Variants in NCAM1 observed in about 807,000 individuals in gnomAD.
NCAM1 encodes antigen recognized by monoclonal antibody 5.1H11.
Under a neutral mutation model 109.8 loss-of-function variants are expected in NCAM1, and 14 were observed. The ratio of observed to expected loss-of-function variants is 0.13; its 90% CI spans 0.08 to 0.20. The LOEUF is 0.20. Among genes scored for constraint, NCAM1 ranks in the 10% least tolerant of loss-of-function variants. NCAM1 has a pLI of 1.00. For synonymous variants in NCAM1, 418 were observed against 442.9 expected (o/e 0.94, Z 0.70); for missense variants, 774 against 1,109.9 (o/e 0.70, Z 4.30).
intron 1 of NCAM1, among the ~76,000 whole-genome samples, chr11:113,096,727 C>A (rs1555090508): frequency 3.9e-5 from 6 of 152,208 alleles, no homozygotes; most frequent in African/African-American, 1.4e-4. Flanking sequence ...TGATGACAAA[C>A]CCCTGAGCCT....
At chr11:113,243,961 G>C (rs782326598) in intron 14 of NCAM1, among the ~76,000 whole-genome samples, 1 of 152,060 alleles carries the variant, frequency 6.6e-6, no homozygotes, top group Non-Finnish European at 1.5e-5. Flanking sequence ...TGTGTGCTGC[G>C]ATGAATTTTA....
intron 1 of NCAM1, among the ~76,000 whole-genome samples, chr11:113,179,909 C>T (rs1943280885): frequency 6.6e-6 from 1 of 152,116 alleles, no homozygotes; most frequent in Non-Finnish European, 1.5e-5. Flanking sequence ...AAGGATTCAA[C>T]TCATTAATAT....
intron 1 of NCAM1, among the ~76,000 whole-genome samples, chr11:113,155,902 C>T (rs1399279005): frequency 2.0e-5 from 3 of 152,094 alleles, no homozygotes; most frequent in Non-Finnish European, 4.4e-5. Context: ...CTGATGGAGA[C>T]GTTCTCTGAA....
chr11:112,981,999 T>C (rs1555068845), intron 1 of NCAM1, among the ~76,000 whole-genome samples: 1 of 151,970 alleles, frequency 6.6e-6, no homozygotes, highest in Non-Finnish European at 1.5e-5. Flanking sequence ...GCTTATTTTA[T>C]GATACAGGTG....
At chr11:113,182,274 G>A (rs1020524589) in intron 1 of NCAM1, among the ~76,000 whole-genome samples, 1 of 152,100 alleles carries the variant, frequency 6.6e-6, no homozygotes, top group Non-Finnish European at 1.5e-5. Flanking sequence ...ATATGTCCAG[G>A]GACGACTGGT....
intron 1 of NCAM1, among the ~76,000 whole-genome samples, chr11:113,059,695 T>TC (rs1405798648): frequency 1.3e-5 from 2 of 152,180 alleles, no homozygotes; most frequent in East Asian, 3.8e-4. Context: ...TCAGCCATAT[T>TC]CCATCGGTCC....
chr11:113,086,766 T>G (rs1555088382), intron 1 of NCAM1, among the ~76,000 whole-genome samples: 1 of 152,176 alleles, frequency 6.6e-6, no homozygotes, highest in African/African-American at 2.4e-5. Context: ...TTAGGAAACT[T>G]AGACAAATTT....
Position 113,277,236 on chromosome 11 carries a change from C to T in NCAM1, c.*1849C>T, listed in dbSNP as rs547286734. On this transcript the variant is annotated 3_prime_UTR_variant, in exon 20 of 20. Transcript: ENST00000316851. ...CCATTCTGTGGGCCACTCTCCCCAA[C>T]GTTCTGACACTTCTGCAGTCTGATC... 42 of 398,120 alleles carry T rather than the reference C, an allele frequency of 1.1e-4. No individual in the cohort carries two copies. Among genetic ancestry groups the T allele is most frequent in the Middle Eastern group, 1.2e-3 (2 of 1,608 alleles). 24.7% of individuals were successfully genotyped at this position (398,120 alleles called of 1,614,324 possible).
At chr11:113,229,974 C>T (rs574956510) in intron 9 of NCAM1, among the ~76,000 whole-genome samples, 2 of 151,852 alleles carry the variant, frequency 1.3e-5, no homozygotes, top group African/African-American at 2.4e-5. Context: ...AGCAGATATA[C>T]CTAATGTAAA....
At chr11:113,150,764 G>A (rs1330136477) in intron 1 of NCAM1, among the ~76,000 whole-genome samples, 1 of 152,176 alleles carries the variant, frequency 6.6e-6, no homozygotes, top group Non-Finnish European at 1.5e-5. Flanking sequence ...GGAAACTGAA[G>A]CAGTATCAGG....
chr11:113,058,454 G>A (rs1953793966), intron 1 of NCAM1, among the ~76,000 whole-genome samples: 1 of 152,170 alleles, frequency 6.6e-6, no homozygotes, highest in Non-Finnish European at 1.5e-5. Flanking sequence ...AGGAAATGCA[G>A]GGGTTTTGAT....
chr11:113,102,371 G>A (rs1204257320), intron 1 of NCAM1, among the ~76,000 whole-genome samples: 3 of 152,212 alleles, frequency 2.0e-5, no homozygotes, highest in Non-Finnish European at 4.4e-5. Context: ...TACAAAGGCA[G>A]TTGACCATTT....
intron 15 of NCAM1, among the ~76,000 whole-genome samples, chr11:113,252,405 C>CAAAAAAA (rs58848352): frequency 1.2e-5 from 1 of 84,738 alleles, no homozygotes; most frequent in African/African-American, 3.9e-5. Flanking sequence ...GACCCTGTCT[C>CAAAAAAA]AAAAAAAAAA....
chr11:113,171,900 G>A (rs1943007536), intron 1 of NCAM1, among the ~76,000 whole-genome samples: 1 of 152,116 alleles, frequency 6.6e-6, no homozygotes, highest in African/African-American at 2.4e-5. Flanking sequence ...ACTGGAATAG[G>A]ATCGGCCCTA....
Position 113,231,130 on chromosome 11 carries a change from C to T in NCAM1, c.1090-515C>T. ...CACTTTTAAACATCCAGGAAAGAGG[C>T]ATCTGCAGAAATAAGGATTTCTTTA... On this transcript the variant is annotated intron_variant, in intron 9 of 19. Transcript: ENST00000316851. The T allele has an allele frequency of 5.7e-6, 8 of 1,400,540 alleles. No individual in the cohort carries two copies. The Middle Eastern group carries it at 1.2e-3, about 214-fold the overall frequency. 86.8% of individuals were successfully genotyped at this position (1,400,540 alleles called of 1,614,324 possible).
intron 1 of NCAM1, among the ~76,000 whole-genome samples, chr11:113,087,858 T>C (rs560670848): frequency 1.3e-4 from 20 of 152,346 alleles, no homozygotes; most frequent in African/African-American, 4.8e-4. Flanking sequence ...TGAGGCATTA[T>C]AGAGGTCAGA....
intron 1 of NCAM1, among the ~76,000 whole-genome samples, chr11:113,091,470 A>G (rs1248369560): frequency 2.6e-5 from 4 of 152,310 alleles, no homozygotes; most frequent in South Asian, 2.1e-4. Flanking sequence ...AGCAGCTTAT[A>G]ATAACTGGAA....
At chr11:113,127,428 G>T (rs1941222185) in intron 1 of NCAM1, among the ~76,000 whole-genome samples, 2 of 152,140 alleles carry the variant, frequency 1.3e-5, no homozygotes, top group African/African-American at 4.8e-5. Flanking sequence ...TCTTCCGGAA[G>T]CCATTTAAAA....
chr11:113,149,056 C>T (rs1453266295), intron 1 of NCAM1, among the ~76,000 whole-genome samples: 5 of 152,212 alleles, frequency 3.3e-5, no homozygotes, highest in African/African-American at 9.7e-5. Flanking sequence ...ACCAGACCAA[C>T]TAGTCGGGGA....
Sources: allele counts gnomAD v4.1 joint callset (sites outside exome capture counted in the v4.1 genomes callset), GRCh38; gene constraint gnomAD v4.1.1; transcripts MANE v1.5; gene names NCBI Gene and HGNC (gene_info 2026-07-23, HGNC 2026-07-21).